LRBA: variants seen among roughly 807,000 people sequenced by gnomAD.
The protein encoded by LRBA is lipopolysaccharide-responsive and beige-like anchor protein.
In LRBA, 176 loss-of-function variants were observed where a neutral mutation model predicts 330.0. The observed-to-expected ratio is 0.53, with a 90% confidence interval of 0.47 to 0.60. LRBA has a LOEUF of 0.60. LRBA is among the 20% of genes least tolerant of loss of function. The pLI is 0.00. For synonymous variants in LRBA, 1,230 were observed against 1,193.0 expected (o/e 1.03, Z -0.64); for missense variants, 3,259 against 3,444.8 (o/e 0.95, Z 1.35).
chr4:150,457,370 G>A (rs1179013376), intron 44 of LRBA, among the ~76,000 whole-genome samples: 1 of 151,978 alleles, frequency 6.6e-6, no homozygotes, highest in Non-Finnish European at 1.5e-5. Flanking sequence ...TTCTGGAAGA[G>A]TCCTCAGAAT....
intron 42 of LRBA, among the ~76,000 whole-genome samples, chr4:150,472,559 T>A (rs1581414966): frequency 6.6e-6 from 1 of 152,164 alleles, no homozygotes; most frequent in South Asian, 2.1e-4. Flanking sequence ...ATTTTCTTCA[T>A]CTCTTCTCGG....
intron 35 of LRBA, among the ~76,000 whole-genome samples, chr4:150,736,592 CAG>C (rs1731209905): frequency 6.6e-6 from 1 of 151,844 alleles, no homozygotes; most frequent in African/African-American, 2.4e-5. Flanking sequence ...AAATAAATAA[CAG>C]ACATATAGGA....
intron 22 of LRBA, among the ~76,000 whole-genome samples, chr4:150,858,020 T>C (rs1460399527): frequency 6.6e-6 from 1 of 152,144 alleles, no homozygotes; most frequent in Non-Finnish European, 1.5e-5. Flanking sequence ...AAGAGAAGAC[T>C]AAAAGGTCTC....
At chr4:150,740,757 A>T (rs1253186799) in intron 35 of LRBA, among the ~76,000 whole-genome samples, 1 of 152,116 alleles carries the variant, frequency 6.6e-6, no homozygotes, top group Non-Finnish European at 1.5e-5. Context: ...GATACAGTCC[A>T]ATCAAAATCC....
intron 22 of LRBA, among the ~76,000 whole-genome samples, chr4:150,863,460 G>A (rs1168155720): frequency 2.0e-5 from 3 of 151,990 alleles, no homozygotes; most frequent in Non-Finnish European, 4.4e-5. Flanking sequence ...TCAGGAGTTC[G>A]AGACCAGCCT....
intron 35 of LRBA, among the ~76,000 whole-genome samples, chr4:150,742,125 TATTATCATTATTATTATTATTA>T (rs1238738894): frequency 7.5e-6 from 1 of 132,868 alleles, no homozygotes; most frequent in Non-Finnish European, 1.6e-5. Context: ...GAATTATTAT[TATTATCATTATTATTATTATTA>T]TTATTTTTTT....
At chr4:150,608,252 A>C (rs1774871381) in intron 37 of LRBA, among the ~76,000 whole-genome samples, 1 of 152,160 alleles carries the variant, frequency 6.6e-6, no homozygotes, top group Admixed American at 6.5e-5. Flanking sequence ...TAGTCTTGGG[A>C]GTCAGTAGAT....
At chr4:150,546,523 C>T (rs887890877) in intron 40 of LRBA, among the ~76,000 whole-genome samples, 2 of 152,142 alleles carry the variant, frequency 1.3e-5, no homozygotes, top group African/African-American at 4.8e-5. Flanking sequence ...TTACACTTTT[C>T]ACAGGCTGCC....
intron 17 of LRBA, among the ~76,000 whole-genome samples, chr4:150,887,832 T>A (rs1332336991): frequency 1.5e-5 from 2 of 136,786 alleles, no homozygotes; most frequent in East Asian, 2.1e-4. Flanking sequence ...TTGGTAGTAA[T>A]CACAAAGAAA....
At chr4:150,365,859 T>G (rs933058996) in intron 47 of LRBA, among the ~76,000 whole-genome samples, 1 of 152,046 alleles carries the variant, frequency 6.6e-6, no homozygotes, top group African/African-American at 2.4e-5. Flanking sequence ...ATGAACTATT[T>G]GATTTCCTTA....
At chr4:150,270,095 T>C (rs1682458187) in intron 56 of LRBA, among the ~76,000 whole-genome samples, 1 of 152,116 alleles carries the variant, frequency 6.6e-6, no homozygotes, top group Admixed American at 6.6e-5. Context: ...AAGGTGTTGA[T>C]AAGGATGTGG....
chr4:150,857,957 C>T (rs559034153), intron 22 of LRBA, among the ~76,000 whole-genome samples: 4 of 152,122 alleles, frequency 2.6e-5, no homozygotes, highest in South Asian at 2.1e-4. Context: ...AGTAAAAATA[C>T]GATCACATTT....
intron 36 of LRBA, among the ~76,000 whole-genome samples, chr4:150,693,587 T>C (rs981501890): frequency 5.8e-5 from 4 of 69,178 alleles, no homozygotes; most frequent in Admixed American, 4.3e-4. Context: ...AAAAAAAAAA[T>C]TGGGCAAGAA....
chr4:150,641,689 T>C (rs1403082718), intron 37 of LRBA, among the ~76,000 whole-genome samples: 1 of 152,130 alleles, frequency 6.6e-6, no homozygotes, highest in Non-Finnish European at 1.5e-5. Flanking sequence ...CCTTTATATG[T>C]TCTTCTTTAT....
chr4:150,746,675 T>G (rs1277814068), intron 35 of LRBA, among the ~76,000 whole-genome samples: 1 of 152,060 alleles, frequency 6.6e-6, no homozygotes, highest in Non-Finnish European at 1.5e-5. Flanking sequence ...CATGCCCGGC[T>G]AATTTTTTAT....
intron 40 of LRBA, among the ~76,000 whole-genome samples, chr4:150,539,807 C>T (rs549526240): frequency 6.6e-6 from 1 of 151,996 alleles, no homozygotes; most frequent in East Asian, 1.9e-4. Flanking sequence ...AAGGTGTTGC[C>T]GAGAAGACTA....
In LRBA at chr4:150,265,743, A is replaced by C. The variant is rs762295612; in HGVS notation, c.8538T>G (p.His2846Gln). The C allele has an allele frequency of 1.5e-5, 25 of 1,613,368 alleles. No homozygotes were observed. The highest frequency in any genetic ancestry group is 2.1e-5 in the Non-Finnish European group (25 of 1,179,396). The change falls in exon 57 of 57, where the codon CAT becomes CAG. Residue 2846 changes from histidine to glutamine, a missense_variant. Transcript: ENST00000651943. ...LFYNDFNRWH[H>Q]EYQTRY ...ACCATCAGTAGCGGGTTTGGTATTC[A>C]TGATGCCACCGGTTAAAGTCGTTGT...
chr4:150,420,487 TAA>T (rs1296584415), intron 46 of LRBA, among the ~76,000 whole-genome samples: 1 of 81,938 alleles, frequency 1.2e-5, no homozygotes, highest in Admixed American at 1.7e-4. Flanking sequence ...ATAATATATA[TAA>T]AGTATATATA....
In LRBA at chr4:150,302,772, A is replaced by T. The variant is rs761209867; in HGVS notation, c.7870T>A (p.Phe2624Ile). 1.7e-5 allele frequency: 28 copies of T among 1,604,036 alleles called. No individual in the cohort carries two copies. Among genetic ancestry groups the T allele is most frequent in the Non-Finnish European group, 2.3e-5 (27 of 1,174,980 alleles). ...CAAGTGACGACATCCCAATGGCCAA[A>T]CACCACTTGGATCAATCTTCCTGTA... The part of the protein sequence containing the change: ...TDTGRLIQVV[F>I]GHWDVVTCLA... Residue 2624 changes from phenylalanine (F) to isoleucine (I), a missense_variant, in exon 53 of 57, where the codon TTT becomes ATT. Transcript: ENST00000651943.
Sources: allele counts gnomAD v4.1 joint callset (sites outside exome capture counted in the v4.1 genomes callset), GRCh38; gene constraint gnomAD v4.1.1; transcripts MANE v1.5; gene names NCBI Gene and HGNC (gene_info 2026-07-23, HGNC 2026-07-21).